CDH8: variants seen among roughly 807,000 people sequenced by gnomAD.
CDH8 encodes the protein cadherin-8.
A neutral mutation model predicts 68.1 loss-of-function variants in CDH8; 17 were observed. The ratio of observed to expected loss-of-function variants is 0.25; its 90% CI spans 0.17 to 0.37. The LOEUF is 0.37. Ranked by LOEUF, CDH8 falls within the 10% of genes least tolerant of loss-of-function variation. CDH8 has a pLI of 1.00. For missense variants in CDH8, 763 were observed against 999.3 expected (o/e 0.76, Z 3.19); for synonymous variants, 372 against 365.1 (o/e 1.02, Z -0.21).
At chr16:61,910,044 T>A (rs1415630544) in intron 2 of CDH8, among the ~76,000 whole-genome samples, 1 of 152,134 alleles carries the variant, frequency 6.6e-6, no homozygotes, top group Non-Finnish European at 1.5e-5. Context: ...CAAATCTCAT[T>A]TTTTTATAAA....
In CDH8 at chr16:62,022,673, A is replaced by T. The variant is rs181642289; in HGVS notation, c.-199-1071T>A. Among the ~76,000 whole-genome samples the T allele has an allele frequency of 4.4e-3, 665 of 152,298 alleles. 4 individuals carry two copies. Among genetic ancestry groups the T allele is most frequent in the Non-Finnish European group, 5.2e-3 (353 of 68,026 alleles). ...GGGGACAGTGTGGCTCAGGGAATTC[A>T]TAAAAGGGGAGGAAACCTTTCACCT... On this transcript the variant is annotated intron_variant, in intron 1 of 11. Coordinates refer to ENST00000577390, the MANE Select transcript of CDH8 (RefSeq NM_001796.5).
chr16:61,664,414 C>T (rs1963627019), intron 10 of CDH8, among the ~76,000 whole-genome samples: 1 of 151,918 alleles, frequency 6.6e-6, no homozygotes, highest in African/African-American at 2.4e-5. Flanking sequence ...GAGTTTTCAG[C>T]AAATATTTGC....
At chr16:61,852,890 C>CA (rs1225394089) in intron 4 of CDH8, among the ~76,000 whole-genome samples, 16,079 of 129,498 alleles carry the variant, frequency 0.12, 960 homozygotes, top group African/African-American at 0.21. Context: ...TCCTTCCTTC[C>CA]TTCCATTCTT....
chr16:61,920,865 C>G (rs1389256998), intron 2 of CDH8, among the ~76,000 whole-genome samples: 1 of 112,510 alleles, frequency 8.9e-6, no homozygotes, highest in Non-Finnish European at 1.8e-5. Context: ...AAATGTCCAA[C>G]AATGATAGAC....
At chr16:61,847,880 T>TACACAC (rs79432523) in intron 4 of CDH8, among the ~76,000 whole-genome samples, 2 of 147,936 alleles carry the variant, frequency 1.4e-5, no homozygotes, top group African/African-American at 4.9e-5. Context: ...CCAACTATCC[T>TACACAC]ACACACACAC....
Position 61,713,935 on chromosome 16 carries a change from C to T in CDH8, c.1560G>A (p.Met520Ile), listed in dbSNP as rs1567436425. Residue 520 changes from methionine (M) to isoleucine (I), a missense_variant, in exon 10 of 12, where the codon ATG (methionine) becomes ATA (isoleucine). Around this residue, in one of 2 missense-constraint regions of CDH8, gnomAD observed 397 missense variants for 436.2 expected, o/e 0.91. Coordinates refer to ENST00000577390, the MANE Select transcript of CDH8 (RefSeq NM_001796.5). ...GTCCGTTTTTGGGATCATCTTTGTCCATGGCGCTAACAGTTTGAATGACCT... is the reference window on the plus strand; with the variant it reads ...GTCCGTTTTTGGGATCATCTTTGTCTATGGCGCTAACAGTTTGAATGACCT... ...PGQVIQTVSA[M>I]DKDDPKNGHY... The T allele has an allele frequency of 6.2e-7, 1 of 1,607,042 alleles. No individual in the cohort carries two copies. Among genetic ancestry groups the T allele is most frequent in the South Asian group, 1.1e-5 (1 of 90,886 alleles).
At chr16:61,992,077 T>TGTGAGAGA (rs34925928) in intron 2 of CDH8, among the ~76,000 whole-genome samples, 14 of 144,126 alleles carry the variant, frequency 9.7e-5, no homozygotes, top group African/African-American at 3.7e-4. Flanking sequence ...TGTGTGTGTG[T>TGTGAGAGA]GAGAGAGAGA....
chr16:61,677,513 C>T (rs973827570), intron 10 of CDH8, among the ~76,000 whole-genome samples: 2 of 151,778 alleles, frequency 1.3e-5, no homozygotes, highest in African/African-American at 4.8e-5. Flanking sequence ...TTAAGATGAT[C>T]CTATGTTTTG....
intron 9 of CDH8, 89 bp downstream of exon 9, chr16:61,727,005 G>T: frequency 7.4e-7 from 1 of 1,350,582 alleles, no homozygotes; most frequent in Non-Finnish European, 1.0e-6. Flanking sequence ...GATCATAAAT[G>T]ATGCAAATGC....
At chr16:61,984,270 A>T (rs1038732028) in intron 2 of CDH8, among the ~76,000 whole-genome samples, 1 of 152,086 alleles carries the variant, frequency 6.6e-6, no homozygotes, top group African/African-American at 2.4e-5. Flanking sequence ...CCCTCATTAA[A>T]CCTAATTAAT....
At chr16:61,886,231 G>A (rs1963670066) in intron 3 of CDH8, among the ~76,000 whole-genome samples, 1 of 152,094 alleles carries the variant, frequency 6.6e-6, no homozygotes, top group South Asian at 2.1e-4. Flanking sequence ...CTTACCCTAA[G>A]GAGCCAAGAT....
intron 2 of CDH8, among the ~76,000 whole-genome samples, chr16:61,990,708 C>T (rs989194399): frequency 2.0e-5 from 3 of 152,074 alleles, no homozygotes; most frequent in African/African-American, 7.2e-5. Context: ...CCTGTAGTCT[C>T]AGCTATTTGG....
chr16:61,652,088 C>T lies in CDH8; in HGVS notation c.*1520G>A. On this transcript the variant is annotated 3_prime_UTR_variant, in exon 12 of 12. Coordinates refer to ENST00000577390, the MANE Select transcript of CDH8 (RefSeq NM_001796.5). ...GAATACAATACATGGAGTGAATAAA[C>T]AATATTGCATTAAAGCAAAGTAGAA... 1 of 914,304 alleles carries T rather than the reference C, an allele frequency of 1.1e-6. No individual in the cohort carries two copies. The highest frequency in any genetic ancestry group is 1.3e-6 in the Non-Finnish European group (1 of 765,276). 56.6% of individuals were successfully genotyped at this position (914,304 alleles called of 1,614,324 possible).
At chr16:61,816,322 A>G (rs1962073315) in intron 7 of CDH8, among the ~76,000 whole-genome samples, 1 of 152,182 alleles carries the variant, frequency 6.6e-6, no homozygotes, top group Admixed American at 6.5e-5. Context: ...TCTCAGCCTC[A>G]TAGTCTCAGC....
At chr16:61,921,220 A>G (rs1964360888) in intron 2 of CDH8, among the ~76,000 whole-genome samples, 1 of 151,440 alleles carries the variant, frequency 6.6e-6, no homozygotes, top group African/African-American at 2.4e-5. Flanking sequence ...TAACCTGCAC[A>G]ATGTGCACAT....
intron 2 of CDH8, among the ~76,000 whole-genome samples, chr16:62,009,980 G>A (rs931546727): frequency 1.3e-4 from 19 of 151,988 alleles, no homozygotes; most frequent in African/African-American, 2.9e-4. Flanking sequence ...GCTAACCCCC[G>A]TATTAGGAGA....
rs565510917 is a variant in CDH8, at chr16:61,754,020, A to G, written c.1415-26805T>C. On this transcript the variant is annotated intron_variant, in intron 8 of 11. Transcript: ENST00000577390. ...GCTACCCGTAAGAAATGAATGCAGGACTCCCAACATTTCTGGATTTAATTG... is the reference window on the plus strand; with the variant it reads ...GCTACCCGTAAGAAATGAATGCAGGGCTCCCAACATTTCTGGATTTAATTG... Among the ~76,000 whole-genome samples, 16 of 152,208 alleles carry G rather than the reference A, an allele frequency of 1.1e-4. No homozygotes were observed. The South Asian group carries it at 3.1e-3, about 30-fold the overall frequency.
intron 2 of CDH8, among the ~76,000 whole-genome samples, chr16:61,921,893 C>T (rs554585638): frequency 7.9e-5 from 12 of 152,082 alleles, no homozygotes; most frequent in Non-Finnish European, 1.8e-4. Flanking sequence ...TAGTCGGGCA[C>T]GGTGGCATGT....
chr16:61,817,497 A>G lies in CDH8; in HGVS notation c.1259T>C (p.Ile420Thr), dbSNP rs1364735363. ...AAAATACCTTATAGGACTGGAAGTG[A>G]TATCAGGGTCACGAGCAGTCACTTG... is the stretch of plus-strand genomic sequence containing the variant. ...IGQVTARDPD[I>T]TSSPIRFSID... Residue 420 changes from isoleucine to threonine, a missense_variant, in exon 7 of 12, where the codon ATC becomes ACC. Around this residue, in one of 2 missense-constraint regions of CDH8, gnomAD observed 366 missense variants for 563.1 expected, o/e 0.65. Transcript: ENST00000577390. 3 of 1,613,982 alleles carry G rather than the reference A, an allele frequency of 1.9e-6. No individual in the cohort carries two copies. The highest frequency in any genetic ancestry group is 2.2e-5 in the South Asian group (2 of 91,072).
Sources: allele counts gnomAD v4.1 joint callset (sites outside exome capture counted in the v4.1 genomes callset), GRCh38; gene constraint gnomAD v4.1.1; regional missense constraint gnomAD v4.1.1; transcripts MANE v1.5; gene names NCBI Gene and HGNC (gene_info 2026-07-23, HGNC 2026-07-21).